The following TBC1D1 variants were observed in gnomAD, a reference collection of about 807,000 sequenced individuals.
TBC1D1 encodes TBC1 (tre-2/USP6, BUB2, cdc16) domain family, member 1.
Under a neutral mutation model 125.6 loss-of-function variants are expected in TBC1D1, and 89 were observed. The ratio of observed to expected loss-of-function variants is 0.71; its 90% CI spans 0.60 to 0.85. The LOEUF is 0.85. Among genes scored for constraint, TBC1D1 ranks in the 40% least tolerant of loss-of-function variants. The pLI, the probability that TBC1D1 is intolerant of heterozygous loss-of-function variation, is 0.00. For missense variants in TBC1D1, 1,377 were observed against 1,469.2 expected, an observed-to-expected ratio of 0.94 and a Z score of 1.03; for synonymous variants, 565 against 564.1, an observed-to-expected ratio of 1.00 and a Z score of -0.02.
Position 38,137,384 on chromosome 4 carries a change from A to G in TBC1D1, c.*49A>G. 9 of 1,480,472 alleles carry G rather than the reference A, an allele frequency of 6.1e-6. No homozygotes were observed. The highest frequency in any genetic ancestry group is 7.2e-6 in the Non-Finnish European group (8 of 1,113,278). 91.7% of individuals were successfully genotyped at this position (1,480,472 alleles called of 1,614,324 possible). On this transcript the variant is annotated 3_prime_UTR_variant, in exon 20 of 20. Transcript: ENST00000261439. ...CACCATCCCACACTGTCCAGGCCTT[A>G]ACTGAGAGGGACAGAAGACGCTGGA...
chr4:37,938,977 A>G (rs1724972592), intron 2 of TBC1D1, among the ~76,000 whole-genome samples: 1 of 152,204 alleles, frequency 6.6e-6, no homozygotes, highest in African/African-American at 2.4e-5. Flanking sequence ...ATAGTGCCGC[A>G]ATAAACATAC....
At chr4:38,052,194 T>TGTGTGTGTGTGTATGC (rs755025486) in intron 11 of TBC1D1, 134 bp downstream of exon 12, 1 of 564,364 alleles carries the variant, frequency 1.8e-6, no homozygotes, top group African/African-American at 2.0e-5. Flanking sequence ...TGTGTGTGTG[T>TGTGTGTGTGTGTATGC]GCGCGCGCGT....
chr4:37,928,655 A>C (rs1197614665), intron 2 of TBC1D1, among the ~76,000 whole-genome samples: 5 of 152,228 alleles, frequency 3.3e-5, no homozygotes, highest in Non-Finnish European at 5.9e-5. Context: ...TTGTCTGCAC[A>C]ATAAACAGCC....
rs1050293419 is a variant in TBC1D1 at position 38,110,620 on chromosome 4, G to A, written c.2558-5090G>A. The A allele has an allele frequency of 3.0e-6, 3 of 985,292 alleles. No homozygotes were observed. In the African/African-American group the frequency reaches 5.2e-5, roughly 17 times the overall value. The allele number at this position is 985,292 out of a possible 1,614,324, so 61.0% of individuals were successfully genotyped here. ...ACATCGAATGTCTTTTTATAAAGGG[G>A]TTTTTTAATGCCCATGTTTGACCCT... On this transcript the variant is annotated intron_variant, in intron 15 of 19. Coordinates refer to ENST00000261439, the MANE Select transcript of TBC1D1 (RefSeq NM_015173.4).
At chr4:38,038,744 G>C (rs576236192) in intron 8 of TBC1D1, among the ~76,000 whole-genome samples, 55 of 152,212 alleles carry the variant, frequency 3.6e-4, no homozygotes, top group African/African-American at 1.3e-3. Flanking sequence ...TCAGGAGATT[G>C]AGACCATCCT....
At chr4:38,075,534 A>G (rs1272190348) in intron 12 of TBC1D1, among the ~76,000 whole-genome samples, 1 of 152,196 alleles carries the variant, frequency 6.6e-6, no homozygotes. Flanking sequence ...TCACTATTTT[A>G]AACTTTTTGT....
intron 15 of TBC1D1, among the ~76,000 whole-genome samples, chr4:38,113,253 G>A (rs767418272): frequency 4.6e-5 from 7 of 152,150 alleles, no homozygotes; most frequent in Non-Finnish European, 8.8e-5. Flanking sequence ...CAGTGTGACC[G>A]CACAGAACAC....
At chr4:37,920,067 A>G (rs565578411) in intron 2 of TBC1D1, among the ~76,000 whole-genome samples, 2 of 152,304 alleles carry the variant, frequency 1.3e-5, no homozygotes, top group South Asian at 4.1e-4. Flanking sequence ...GAGCCGAGAT[A>G]ACGCCACTGC....
chr4:37,989,185 A>C (rs760494190), intron 2 of TBC1D1, among the ~76,000 whole-genome samples: 8 of 152,168 alleles, frequency 5.3e-5, no homozygotes, highest in Non-Finnish European at 8.8e-5. Flanking sequence ...AAGATCTCTG[A>C]AGCCTGCTAC....
intron 2 of TBC1D1, among the ~76,000 whole-genome samples, chr4:37,924,423 G>A (rs34490704): frequency 0.12 from 18,831 of 152,128 alleles, 1,231 homozygotes; most frequent in Admixed American, 0.19. Context: ...TAGGTGTGCA[G>A]TTCAGTGGCA....
At chr4:37,932,058 G>A (rs78469089) in intron 2 of TBC1D1, among the ~76,000 whole-genome samples, 2 of 151,962 alleles carry the variant, frequency 1.3e-5, no homozygotes, top group South Asian at 4.1e-4. Context: ...ATCTGTCATT[G>A]TTTTTCCCCC....
intron 2 of TBC1D1, among the ~76,000 whole-genome samples, chr4:38,000,724 TCAGTTAAA>T (rs1738882347): frequency 6.6e-6 from 1 of 152,114 alleles, no homozygotes; most frequent in Admixed American, 6.5e-5. Flanking sequence ...TCTCCAGTGA[TCAGTTAAA>T]TTCTGACACT....
intron 2 of TBC1D1, among the ~76,000 whole-genome samples, chr4:37,937,272 GGA>G (rs1724579706): frequency 6.6e-6 from 1 of 152,094 alleles, no homozygotes; most frequent in African/African-American, 2.4e-5. Context: ...CCAGAAAACG[GGA>G]GAGAGTGAAT....
chr4:38,110,256 A>G (rs1222499977), intron 15 of TBC1D1: 1 of 985,286 alleles, frequency 1.0e-6, no homozygotes, highest in South Asian at 4.7e-5. Context: ...TACAGGGACC[A>G]CCTGCAAGAT....
intron 12 of TBC1D1, among the ~76,000 whole-genome samples, chr4:38,087,277 G>A (rs1007929888): frequency 1.3e-5 from 2 of 152,158 alleles, no homozygotes; most frequent in Admixed American, 6.5e-5. Context: ...AAATAAAACC[G>A]GAGTTTCATA....
intron 2 of TBC1D1, among the ~76,000 whole-genome samples, chr4:37,953,589 T>C (rs1578020522): frequency 6.6e-6 from 1 of 152,308 alleles, no homozygotes. Flanking sequence ...AATCATGACT[T>C]GAATAAGAGA....
intron 2 of TBC1D1, among the ~76,000 whole-genome samples, chr4:37,943,701 C>A (rs1726057111): frequency 6.6e-6 from 1 of 152,210 alleles, no homozygotes; most frequent in African/African-American, 2.4e-5. Flanking sequence ...CCTTTAAGGA[C>A]TTCTCTACAC....
At chr4:38,036,748 C>T (rs1436128414) in intron 8 of TBC1D1, among the ~76,000 whole-genome samples, 9 of 152,220 alleles carry the variant, frequency 5.9e-5, no homozygotes, top group Non-Finnish European at 1.2e-4. Context: ...GGTTTCTAAT[C>T]TCATTGGCCA....
intron 12 of TBC1D1, among the ~76,000 whole-genome samples, chr4:38,056,893 A>T (rs1018715642): frequency 6.6e-6 from 1 of 152,156 alleles, no homozygotes; most frequent in African/African-American, 2.4e-5. Flanking sequence ...AGTTTTGAGC[A>T]GTCCTTTTGC....
Sources: gnomAD v4.1 joint callset for allele counts (sites outside exome capture counted in the v4.1 genomes callset) on GRCh38, gnomAD v4.1.1 for gene constraint, MANE v1.5 for transcripts, NCBI Gene and HGNC (gene_info 2026-07-23, HGNC 2026-07-21) for gene names.